Variants in FRMD4A observed in about 807,000 individuals in gnomAD.
FRMD4A encodes the protein FERM domain-containing protein 4A.
In FRMD4A, 29 loss-of-function variants were observed where a neutral mutation model predicts 129.1. That is an observed-to-expected ratio of 0.22 (90% confidence interval 0.17 to 0.31). The LOEUF (loss-of-function observed/expected upper bound fraction) is 0.31, where lower values mean the gene tolerates loss of function less well. FRMD4A is among the 10% of genes least tolerant of loss of function. The pLI is 1.00. For missense variants in FRMD4A, 1,272 were observed against 1,375.8 expected (o/e 0.92, Z 1.19); for synonymous variants, 634 against 571.6 (o/e 1.11, Z -1.56).
intron 2 of FRMD4A, among the ~76,000 whole-genome samples, chr10:13,896,823 TA>T (rs756289363): frequency 1.8e-4 from 27 of 152,192 alleles, no homozygotes; most frequent in South Asian, 4.1e-4. Flanking sequence ...AATTGACAGA[TA>T]AAAAGCTTTG....
intron 20 of FRMD4A, among the ~76,000 whole-genome samples, 199 bp from the exon 21 acceptor site, chr10:13,659,689 A>T (rs900619818): frequency 2.7e-5 from 4 of 149,718 alleles, no homozygotes. Flanking sequence ...CCTAGGCAAT[A>T]TGAGAGGAAA....
At chr10:14,062,494 T>G (rs1834861911) in intron 2 of FRMD4A, among the ~76,000 whole-genome samples, 2 of 152,312 alleles carry the variant, frequency 1.3e-5, no homozygotes, top group East Asian at 3.9e-4. Context: ...ACTTCAAGCA[T>G]GTTTATACTA....
At chr10:14,017,504 A>G (rs944793481) in intron 2 of FRMD4A, among the ~76,000 whole-genome samples, 1 of 152,202 alleles carries the variant, frequency 6.6e-6, no homozygotes, top group African/African-American at 2.4e-5. Context: ...TACTAGGCTT[A>G]GCTCTCAAAT....
At chr10:13,790,596 C>T (rs1343014104) in intron 5 of FRMD4A, among the ~76,000 whole-genome samples, 5 of 152,216 alleles carry the variant, frequency 3.3e-5, no homozygotes, top group Middle Eastern at 3.4e-3. Context: ...GCCGGGGGAA[C>T]TGAAAGGGAG....
intron 2 of FRMD4A, among the ~76,000 whole-genome samples, chr10:14,265,281 A>C (rs1246196060): frequency 6.6e-6 from 1 of 152,132 alleles, no homozygotes; most frequent in Admixed American, 6.5e-5. Flanking sequence ...TCCTTTTTTT[A>C]AAACCTTTCC....
At chr10:13,682,188 C>T (rs1448201643) in intron 15 of FRMD4A, among the ~76,000 whole-genome samples, 1 of 152,136 alleles carries the variant, frequency 6.6e-6, no homozygotes, top group African/African-American at 2.4e-5. Flanking sequence ...TGCGCCACTG[C>T]ACTCCAGCCT....
chr10:14,174,097 G>A (rs1841609498), intron 2 of FRMD4A, among the ~76,000 whole-genome samples: 1 of 151,976 alleles, frequency 6.6e-6, no homozygotes, highest in African/African-American at 2.4e-5. Context: ...CTCTCTCTGT[G>A]TGCCGTGCTT....
intron 2 of FRMD4A, among the ~76,000 whole-genome samples, chr10:13,954,884 C>T (rs938461523): frequency 6.6e-6 from 1 of 152,188 alleles, no homozygotes; most frequent in African/African-American, 2.4e-5. Flanking sequence ...ACTTGCGATG[C>T]ATTAGATTGT....
chr10:13,850,371 T>G (rs1198139644), intron 3 of FRMD4A, among the ~76,000 whole-genome samples: 1 of 152,188 alleles, frequency 6.6e-6, no homozygotes, highest in African/African-American at 2.4e-5. Flanking sequence ...GTACTCGACC[T>G]TTAAGATGGG....
intron 2 of FRMD4A, among the ~76,000 whole-genome samples, chr10:13,926,255 G>A (rs1208417261): frequency 6.6e-6 from 1 of 152,202 alleles, no homozygotes; most frequent in Non-Finnish European, 1.5e-5. Flanking sequence ...CAGATTCCTA[G>A]AAGAATCAGT....
chr10:14,140,953 G>A (rs949553096), intron 2 of FRMD4A, among the ~76,000 whole-genome samples: 1 of 152,114 alleles, frequency 6.6e-6, no homozygotes, highest in African/African-American at 2.4e-5. Flanking sequence ...GGACCGGCCA[G>A]CAATTGTAGA....
intron 2 of FRMD4A, among the ~76,000 whole-genome samples, chr10:14,037,065 T>C (rs1348940797): frequency 3.9e-5 from 6 of 152,238 alleles, no homozygotes; most frequent in Non-Finnish European, 8.8e-5. Flanking sequence ...TTCTCACTAG[T>C]GGCAACCACT....
chr10:14,122,950 T>G (rs1201855765), intron 2 of FRMD4A, among the ~76,000 whole-genome samples: 1 of 152,218 alleles, frequency 6.6e-6, no homozygotes, highest in Non-Finnish European at 1.5e-5. Context: ...TGAAACTGTT[T>G]AATATATTGT....
chr10:14,042,924 CAAAAAAAAA>C (rs57492155), intron 2 of FRMD4A, among the ~76,000 whole-genome samples: 2 of 62,800 alleles, frequency 3.2e-5, no homozygotes, highest in African/African-American at 5.5e-5. Flanking sequence ...GACTCCATCT[CAAAAAAAAA>C]AAAAAAAAAA....
At chr10:14,131,944 T>C (rs963002394) in intron 2 of FRMD4A, among the ~76,000 whole-genome samples, 2 of 152,192 alleles carry the variant, frequency 1.3e-5, no homozygotes, top group Non-Finnish European at 2.9e-5. Flanking sequence ...AGTTACTCTT[T>C]GGTCTACAGT....
At chr10:14,273,010 G>A (rs1329559903) in intron 2 of FRMD4A, among the ~76,000 whole-genome samples, 3 of 152,010 alleles carry the variant, frequency 2.0e-5, no homozygotes, top group Admixed American at 6.6e-5. Context: ...GAGCTCAGGA[G>A]TTCAAGACCA....
intron 2 of FRMD4A, among the ~76,000 whole-genome samples, chr10:13,950,500 T>C (rs990608233): frequency 2.0e-5 from 3 of 152,112 alleles, no homozygotes; most frequent in African/African-American, 7.2e-5. Flanking sequence ...ATAGAAGACA[T>C]GATGTAAATA....
chr10:13,989,031 CTT>C (rs11326311), intron 2 of FRMD4A, among the ~76,000 whole-genome samples: 2,752 of 149,310 alleles, frequency 0.018, 71 homozygotes, highest in East Asian at 0.1. Flanking sequence ...TTTTCAGTAA[CTT>C]TTTTTTTTTG....
intron 2 of FRMD4A, among the ~76,000 whole-genome samples, chr10:14,019,878 C>T (rs750266462): frequency 3.9e-5 from 6 of 152,030 alleles, no homozygotes; most frequent in African/African-American, 1.5e-4. Context: ...TTTCAGGAAA[C>T]CTGCTTGATT....
Sources: gnomAD v4.1 joint callset for allele counts (sites outside exome capture counted in the v4.1 genomes callset) on GRCh38, gnomAD v4.1.1 for gene constraint, MANE v1.5 for transcripts, NCBI Gene and HGNC (gene_info 2026-07-23, HGNC 2026-07-21) for gene names.